CEP350: variants seen among roughly 807,000 people sequenced by gnomAD.
CEP350 encodes centrosome-associated protein 350.
CEP350 carries 126 observed loss-of-function variants against 331.8 expected under a neutral mutation model. That is an observed-to-expected ratio of 0.38 (90% CI 0.33 to 0.44). The LOEUF (loss-of-function observed/expected upper bound fraction) is 0.44. Ranked by LOEUF, CEP350 falls within the 20% of genes least tolerant of loss-of-function variation. CEP350 has a pLI of 1.00. For missense variants in CEP350, 3,406 were observed against 3,634.6 expected (o/e 0.94, Z 1.62); for synonymous variants, 1,200 against 1,259.5 (o/e 0.95, Z 1.00).
intron 1 of CEP350, chr1:179,969,167 G>C (rs982835548): frequency 1.6e-6 from 1 of 626,910 alleles, no homozygotes; most frequent in Non-Finnish European, 3.0e-6. Context: ...GTGGGTGCTG[G>C]CCGGGGAAGT....
At position 180,016,627 on chromosome 1, in the gene CEP350, A is replaced by G. The variant is rs1654992341; in HGVS notation, c.2174+657A>G. Among the ~76,000 whole-genome samples, 3 of 151,970 alleles carry G rather than the reference A, an allele frequency of 2.0e-5. No individual in the cohort carries two copies. The South Asian group carries it at 6.2e-4, about 32-fold the overall frequency. Reference sequence around the variant, plus strand: ...TGAAACTCTTTGAGAACACGTAAATAGAAATCAAAATCACTATCCAATTTT... The same window carrying G: ...TGAAACTCTTTGAGAACACGTAAATGGAAATCAAAATCACTATCCAATTTT... On this transcript the variant is annotated intron_variant, in intron 11 of 37. Coordinates refer to ENST00000367607, the MANE Select transcript of CEP350 (RefSeq NM_014810.5).
At chr1:180,087,113 A>G (rs991872973) in intron 31 of CEP350, 28 of 152,326 alleles carry the variant, frequency 1.8e-4, no homozygotes, top group African/African-American at 6.5e-4. Flanking sequence ...GTAATTCTCA[A>G]CTATCATACT....
At chr1:180,001,456 G>A (rs528922794) in intron 6 of CEP350, among the ~76,000 whole-genome samples, 12 of 152,018 alleles carry the variant, frequency 7.9e-5, no homozygotes, top group African/African-American at 2.9e-4. Context: ...ATGGGGTTTC[G>A]CCATGTTGGC....
chr1:179,991,888 C>G, intron 4 of CEP350, among the ~76,000 whole-genome samples, 174 bp from the exon 5 acceptor site: 1 of 151,598 alleles, frequency 6.6e-6, no homozygotes, highest in Non-Finnish European at 1.5e-5. Flanking sequence ...ACAATTTAAC[C>G]TGAATGTTTT....
At chr1:180,045,063 C>T (rs191543567) in intron 21 of CEP350, among the ~76,000 whole-genome samples, 124 of 152,078 alleles carry the variant, frequency 8.2e-4, no homozygotes, top group East Asian at 1.2e-3. Flanking sequence ...TTGAATAGGC[C>T]GGGCACAGTG....
At chr1:180,038,927 C>T (rs1462553286) in intron 17 of CEP350, among the ~76,000 whole-genome samples, 1 of 151,922 alleles carries the variant, frequency 6.6e-6, no homozygotes, top group African/African-American at 2.4e-5. Context: ...TCTAAGAAAT[C>T]TTTGGGCCGA....
rs1380644650 is a variant in CEP350 at position 180,078,530 on chromosome 1, A to C, written c.5835A>C (p.Pro1945=). ...YSHLNSESSI[P]EELGSPAVEY... ...ATCTAAACAGTGAAAGCTCCATTCC[A>C]GAAGAATTAGGCAGCCCTGCTGTTG... Residue 1945 remains proline, a synonymous_variant, in exon 29 of 38, where the codon CCA becomes CCC. Transcript: ENST00000367607. 1 of 1,613,708 alleles carries C rather than the reference A, an allele frequency of 6.2e-7. No individual in the cohort carries two copies. The highest frequency in any genetic ancestry group is 8.5e-7 in the Non-Finnish European group (1 of 1,179,786).
chr1:180,020,552 A>G lies in CEP350; in HGVS notation c.2778A>G (p.Ile926Met). 6.2e-7 allele frequency: 1 copy of G among 1,614,054 alleles called. No homozygotes were observed. The highest frequency in any genetic ancestry group is 8.5e-7 in the Non-Finnish European group (1 of 1,179,904). The change falls in exon 12 of 38, where the codon ATA becomes ATG. Residue 926 changes from isoleucine to methionine, a missense_variant. Physicochemically the swap from Ile to Met is conservative, Grantham distance 10. Around this residue, in one of 5 missense-constraint regions of CEP350, gnomAD observed 1,857 missense variants for 1,909.2 expected, o/e 0.97. Coordinates refer to ENST00000367607, the MANE Select transcript of CEP350 (RefSeq NM_014810.5). ...AATTTAAAAAGCTTCCTGAGATGAT[A>G]AGACCACAGAGTGCCATATCAAGCT... Reference protein sequence around the residue: ...LSEFKKLPEMIRPQSAISSFR... With the variant: ...LSEFKKLPEMMRPQSAISSFR...
At chr1:179,996,225 A>T (rs983692917) in intron 5 of CEP350, among the ~76,000 whole-genome samples, 2 of 152,110 alleles carry the variant, frequency 1.3e-5, no homozygotes, top group South Asian at 4.1e-4. Flanking sequence ...TGGAATTTCT[A>T]GGTTTTTTAT....
intron 22 of CEP350, chr1:180,052,192 CT>C (rs1216179314): frequency 2.2e-6 from 1 of 453,870 alleles, no homozygotes; most frequent in Admixed American, 2.4e-5. Flanking sequence ...CAACTAGTGC[CT>C]ACAAATTCTT....
At chr1:179,992,506 A>G (rs1337153293) in intron 5 of CEP350, among the ~76,000 whole-genome samples, 2 of 152,198 alleles carry the variant, frequency 1.3e-5, no homozygotes, top group Non-Finnish European at 2.9e-5. Context: ...TTTCCTAGAA[A>G]CAAATTATTC....
chr1:180,107,398 C>A (rs1661201329), intron 37 of CEP350, among the ~76,000 whole-genome samples: 1 of 152,190 alleles, frequency 6.6e-6, no homozygotes, highest in Admixed American at 6.5e-5. Flanking sequence ...ATTAGCCAGG[C>A]ACGGTGGCTC....
Position 179,987,512 on chromosome 1 carries a change from G to C in CEP350, c.120+226G>C, listed in dbSNP as rs185624821. On this transcript the variant is annotated intron_variant, in intron 3 of 37. Coordinates refer to ENST00000367607, the MANE Select transcript of CEP350 (RefSeq NM_014810.5). Reference sequence around the variant, plus strand: ...ATACATAGTATATAGTAATATTATAGTATTATCATATATAATATATAATAT... The same window carrying C: ...ATACATAGTATATAGTAATATTATACTATTATCATATATAATATATAATAT... Among the ~76,000 whole-genome samples the C allele has an allele frequency of 4.1e-3, 599 of 146,862 alleles. 4 individuals carry two copies. The highest frequency in any genetic ancestry group is 6.8e-3 in the Non-Finnish European group (456 of 67,070).
In CEP350 at chr1:180,004,893, T is replaced by G. The variant is rs1339870511; in HGVS notation, c.1133-1561T>G. Among the ~76,000 whole-genome samples the G allele has an allele frequency of 2.0e-3, 90 of 45,964 alleles. 2 individuals are homozygous for G. The highest frequency in any genetic ancestry group is 6.5e-3 in the Admixed American group (19 of 2,934). The allele number at this position is 45,964 out of a possible 152,430, so 30.2% of individuals were successfully genotyped here. A position where few individuals can be genotyped will look rare whatever the true frequency, so the allele number is the denominator to read the frequency against. On this transcript the variant is annotated intron_variant, in intron 7 of 37. Transcript: ENST00000367607. ...TGGCTGGCTTGCTTGCTTGCTTGCT[T>G]GCTTGCTTGCTTGCTTTCTTTCTTT... is the stretch of plus-strand genomic sequence containing the variant.
At chr1:179,980,750 G>A (rs1243588294) in intron 1 of CEP350, among the ~76,000 whole-genome samples, 1 of 151,860 alleles carries the variant, frequency 6.6e-6, no homozygotes, top group Admixed American at 6.6e-5. Context: ...TTTTTCATCT[G>A]TAAGGACCAT....
At chr1:180,085,391 A>G (rs1256201668) in intron 31 of CEP350, among the ~76,000 whole-genome samples, 1 of 152,014 alleles carries the variant, frequency 6.6e-6, no homozygotes, top group Non-Finnish European at 1.5e-5. Context: ...GTCCCTTTCC[A>G]TTCCTACTGC....
intron 1 of CEP350, among the ~76,000 whole-genome samples, chr1:179,980,986 A>G (rs2148645855): frequency 6.6e-6 from 1 of 152,304 alleles, no homozygotes; most frequent in African/African-American, 2.4e-5. Flanking sequence ...GGGCAGATTC[A>G]ATAAAGCAAT....
chr1:180,002,348 C>T (rs1254874868), intron 6 of CEP350, among the ~76,000 whole-genome samples: 1 of 152,216 alleles, frequency 6.6e-6, no homozygotes, highest in East Asian at 1.9e-4. Context: ...GTGGTGTGTG[C>T]CTGTAGCACC....
chr1:179,973,058 G>A (rs954986929), intron 1 of CEP350, among the ~76,000 whole-genome samples: 1 of 151,902 alleles, frequency 6.6e-6, no homozygotes, highest in Non-Finnish European at 1.5e-5. Flanking sequence ...TAGTAGAGAC[G>A]GGGTTTCACC....
Sources: gnomAD v4.1 joint callset for allele counts (sites outside exome capture counted in the v4.1 genomes callset) on GRCh38, gnomAD v4.1.1 for gene constraint, gnomAD v4.1.1 regional missense constraint, MANE v1.5 for transcripts, NCBI Gene and HGNC (gene_info 2026-07-23, HGNC 2026-07-21) for gene names.